Variants in EPB41 observed in about 807,000 individuals in gnomAD.
EPB41 encodes the protein erythrocyte membrane protein band 4.1.
Under a neutral mutation model 108.0 loss-of-function variants are expected in EPB41, and 65 were observed. The observed-to-expected ratio is 0.60, with a 90% CI of 0.49 to 0.74. The LOEUF (loss-of-function observed/expected upper bound fraction) is 0.74. Among genes scored for constraint, EPB41 ranks in the 30% least tolerant of loss-of-function variants. EPB41 has a pLI of 0.00. For synonymous variants in EPB41, 336 were observed against 358.9 expected (o/e 0.94, Z 0.72); for missense variants, 875 against 1,037.0 (o/e 0.84, Z 2.15).
rs533536807 is a variant in EPB41 at position 28,904,168 on chromosome 1, C to CT, written c.-8+16977dup. Among the ~76,000 whole-genome samples the CT allele has an allele frequency of 9.8e-3, 1,292 of 132,152 alleles. 16 individuals carry two copies. Among genetic ancestry groups the CT allele is most frequent in the African/African-American group, 0.026 (951 of 36,210 alleles). 86.7% of individuals were successfully genotyped at this position (132,152 alleles called of 152,430 possible). ...GCATGAGTCACCTTGCCCGGCCCAG[C>CT]TTTTTTTTTTTTTTTTTTTAAACTT... is the stretch of plus-strand genomic sequence containing the variant. On this transcript the variant is annotated intron_variant, in intron 1 of 16. Transcript: ENST00000347529.
chr1:28,908,663 C>T (rs1410566459), intron 1 of EPB41, among the ~76,000 whole-genome samples: 1 of 149,992 alleles, frequency 6.7e-6, no homozygotes, highest in Non-Finnish European at 1.5e-5. Context: ...CACTCCTGAC[C>T]TCGTGATCCA....
intron 18 of EPB41, among the ~76,000 whole-genome samples, chr1:29,111,434 A>ATCACGAGG (rs1669116078): frequency 6.6e-6 from 1 of 152,082 alleles, no homozygotes; most frequent in Admixed American, 6.6e-5. Flanking sequence ...GGGCGGGCAG[A>ATCACGAGG]TCACGAGGTC....
intron 16 of EPB41, among the ~76,000 whole-genome samples, chr1:29,092,093 CTT>C (rs35413713): frequency 1.1e-4 from 12 of 113,152 alleles, no homozygotes; most frequent in African/African-American, 3.2e-4. Flanking sequence ...TTCTTACCTT[CTT>C]TTTTTTTTTT....
intron 7 of EPB41, 27 bp from the exon 8 acceptor site, chr1:29,030,373 G>T (rs377267722): frequency 1.6e-5 from 25 of 1,584,924 alleles, no homozygotes; most frequent in African/African-American, 1.3e-4. Flanking sequence ...AACACTGAAA[G>T]AATTTTATGT....
chr1:29,102,283 A>T (rs538407193), intron 17 of EPB41, among the ~76,000 whole-genome samples: 1 of 152,300 alleles, frequency 6.6e-6, no homozygotes, highest in Admixed American at 6.5e-5. Flanking sequence ...TGATGGGAAC[A>T]AGCTACATGA....
intron 7 of EPB41, among the ~76,000 whole-genome samples, chr1:29,024,904 T>C (rs568848927): frequency 2.6e-5 from 4 of 152,156 alleles, no homozygotes; most frequent in African/African-American, 7.2e-5. Context: ...TGCTCCTTTT[T>C]GGAAAGATTT....
At chr1:28,915,731 C>CTTTTTTTTTTTT (rs11321625) in intron 1 of EPB41, among the ~76,000 whole-genome samples, 4 of 56,074 alleles carry the variant, frequency 7.1e-5, no homozygotes, top group Non-Finnish European at 1.2e-4. Flanking sequence ...TTTTCAGATG[C>CTTTTTTTTTTTT]TTTTTTTTTT....
intron 16 of EPB41, chr1:29,072,907 T>C (rs994831754): frequency 6.6e-6 from 1 of 152,116 alleles, no homozygotes; most frequent in African/African-American, 2.4e-5. Flanking sequence ...GGTCAGGAAT[T>C]TGAGACCAGC....
intron 1 of EPB41, among the ~76,000 whole-genome samples, chr1:28,915,731 CTTTTTTT>C (rs11321625): frequency 7.1e-5 from 4 of 56,074 alleles, no homozygotes; most frequent in Non-Finnish European, 1.2e-4. Flanking sequence ...TTTTCAGATG[CTTTTTTT>C]TTTTTTTTTT....
intron 17 of EPB41, among the ~76,000 whole-genome samples, chr1:29,106,564 A>AAT (rs1233211329): frequency 0.031 from 1,589 of 50,894 alleles, 165 homozygotes; most frequent in African/African-American, 0.1. Context: ...AGTAGCTGGG[A>AAT]TTTTTTTTTT....
chr1:28,993,585 G>A (rs2096075058), intron 3 of EPB41, 43 bp downstream of exon 3: 1 of 1,581,414 alleles, frequency 6.3e-7, no homozygotes. Context: ...TCTTACAGGT[G>A]GTTTCATCTA....
chr1:29,058,584 T>C lies in EPB41; in HGVS notation c.1846-5T>C, dbSNP rs775528076. 14 of 1,612,810 alleles carry C rather than the reference T, an allele frequency of 8.7e-6. No homozygotes were observed. The South Asian group carries it at 1.5e-4, about 18-fold the overall frequency. On this transcript the variant is annotated splice_polypyrimidine_tract_variant and splice_region_variant and intron_variant, in intron 12 of 20. Coordinates refer to ENST00000343067, the MANE Select transcript of EPB41 (RefSeq NM_001376013.1). ...GTTTTTACTACTTTTATTTCTTAAA[T>C]GTAGGTGGAAAAAACCCACATCGAG...
At chr1:28,988,967 G>C (rs1436523958) in intron 2 of EPB41, among the ~76,000 whole-genome samples, 1 of 152,218 alleles carries the variant, frequency 6.6e-6, no homozygotes, top group Non-Finnish European at 1.5e-5. Context: ...TCTCATGAGA[G>C]AGGAAAAGAA....
chr1:29,013,717 C>T lies in EPB41; in HGVS notation c.829+1810C>T, dbSNP rs1018189106. 7.2e-5 allele frequency among the ~76,000 whole-genome samples: 11 copies of T among 151,856 alleles called. No homozygotes were observed. In the East Asian group the frequency reaches 1.2e-3, roughly 16 times the overall value. On this transcript the variant is annotated intron_variant, in intron 5 of 20. Coordinates refer to ENST00000343067, the MANE Select transcript of EPB41 (RefSeq NM_001376013.1). ...AATTTTGTATTATTTTTAGTAGAGA[C>T]AGGGTTTCGCCATGTTGGCCAGGAT...
intron 7 of EPB41, among the ~76,000 whole-genome samples, chr1:29,024,899 C>T (rs1406594736): frequency 6.6e-6 from 1 of 151,904 alleles, no homozygotes; most frequent in South Asian, 2.1e-4. Context: ...TTACTTGCTC[C>T]TTTTTGGAAA....
At chr1:29,010,339 A>G (rs1424843602) in intron 4 of EPB41, among the ~76,000 whole-genome samples, 1 of 152,154 alleles carries the variant, frequency 6.6e-6, no homozygotes, top group Non-Finnish European at 1.5e-5. Flanking sequence ...ACCCTGTCTA[A>G]ATAAATAAAT....
At chr1:28,957,924 C>A (rs368682353) in intron 1 of EPB41, among the ~76,000 whole-genome samples, 51 of 152,118 alleles carry the variant, frequency 3.4e-4, no homozygotes, top group African/African-American at 1.2e-3. Flanking sequence ...AATACCTTTC[C>A]ATACTGTTTG....
intron 1 of EPB41, among the ~76,000 whole-genome samples, chr1:28,897,891 T>C (rs575759505): frequency 4.6e-5 from 7 of 152,148 alleles, no homozygotes; most frequent in Non-Finnish European, 8.8e-5. Context: ...TCAGTGTTCC[T>C]GCTCCTTAAG....
At chr1:29,103,287 G>C (rs1573975200) in intron 17 of EPB41, among the ~76,000 whole-genome samples, 1 of 152,156 alleles carries the variant, frequency 6.6e-6, no homozygotes, top group African/African-American at 2.4e-5. Flanking sequence ...CTGTGGTGTG[G>C]GTGTAGGTAG....
Sources: gnomAD v4.1 joint callset for allele counts (sites outside exome capture counted in the v4.1 genomes callset) on GRCh38, gnomAD v4.1.1 for gene constraint, MANE v1.5 for transcripts, NCBI Gene and HGNC (gene_info 2026-07-23, HGNC 2026-07-21) for gene names.